The following RASAL1 variants were observed in gnomAD, a reference collection of about 807,000 sequenced individuals.
RASAL1 encodes the protein rasGAP-activating-like protein 1.
Under a neutral mutation model 96.6 loss-of-function variants are expected in RASAL1, and 72 were observed. That is an observed-to-expected ratio of 0.75 (90% CI 0.62 to 0.91). RASAL1 has a LOEUF of 0.91. Among genes scored for constraint, RASAL1 ranks in the 40% least tolerant of loss-of-function variants. The pLI, the probability that RASAL1 is intolerant of heterozygous loss-of-function variation, is 0.00. For synonymous variants in RASAL1, 405 were observed against 430.4 expected, an observed-to-expected ratio of 0.94 and a Z score of 0.73; for missense variants, 1,016 against 1,072.5, an observed-to-expected ratio of 0.95 and a Z score of 0.74.
intron 1 of RASAL1, among the ~76,000 whole-genome samples, chr12:113,132,216 A>C (rs982740858): frequency 6.6e-6 from 1 of 151,466 alleles, no homozygotes; most frequent in African/African-American, 2.4e-5. Context: ...CCAGTAATCC[A>C]CCCGCCTCGG....
rs1951882833 is a variant in RASAL1 at position 113,135,534 on chromosome 12, G to A, written c.-72C>T. On this transcript the variant is annotated 5_prime_UTR_variant, in exon 1 of 21. Coordinates refer to ENST00000548055, the MANE Select transcript of RASAL1 (RefSeq NM_001301202.2). The surrounding 1 kb of genome is among the most constrained non-coding windows in gnomAD (Gnocchi z 5.7). ...AGGCTGGACCAGGGGACGTCTACAT[G>A]TCACCTGCTTCAAGCCTGGCTCCCT... is the stretch of plus-strand genomic sequence containing the variant. The A allele has an allele frequency of 9.8e-6, 13 of 1,323,054 alleles. No homozygotes were observed. The highest frequency in any genetic ancestry group is 1.4e-5 in the Non-Finnish European group (13 of 943,970). 82.0% of individuals were successfully genotyped at this position (1,323,054 alleles called of 1,614,324 possible). A position where few individuals can be genotyped will look rare whatever the true frequency, so the allele number is the denominator to read the frequency against.
chr12:113,129,070 G>A lies in RASAL1; in HGVS notation c.123-892C>T, dbSNP rs1951605398. On this transcript the variant is annotated intron_variant, in intron 2 of 20. Transcript: ENST00000548055. This position sits in a 1 kb window ranked among gnomAD's most constrained non-coding sequence, Gnocchi z 5.0. ...TTCACTTGGACTATGGGCCCAGCCT[G>A]TGCTGGGCTCCAGGGATCAGAGGAA... Among the ~76,000 whole-genome samples the A allele has an allele frequency of 6.6e-6, 1 of 152,218 alleles. No individual in the cohort carries two copies. The highest frequency in any genetic ancestry group is 1.9e-4 in the East Asian group (1 of 5,162).
chr12:113,128,490 AACAC>A (rs149978369), intron 2 of RASAL1, among the ~76,000 whole-genome samples: 20 of 138,616 alleles, frequency 1.4e-4, no homozygotes, highest in African/African-American at 3.5e-4. Context: ...CAGAGATCTC[AACAC>A]ACACACACAC....
chr12:113,108,120 G>C lies in RASAL1; in HGVS notation c.1477C>G (p.Pro493Ala). ...LFDLRDQHAD[P>A]QTSRSLLLLA... Reference sequence around the variant, plus strand: ...AACAGCAGTGAGCGGCTAGTCTGGGGGTCCGCGTGTTGGTCCCGAAGGTCA... The same window carrying C: ...AACAGCAGTGAGCGGCTAGTCTGGGCGTCCGCGTGTTGGTCCCGAAGGTCA... Residue 493 changes from proline (P) to alanine (A), a missense_variant, in exon 14 of 21, where the codon CCC becomes GCC. Pro to Ala is a conservative substitution (Grantham distance 27). Transcript: ENST00000548055. 1 of 1,613,664 alleles carries C rather than the reference G, an allele frequency of 6.2e-7. No homozygotes were observed. The highest frequency in any genetic ancestry group is 8.5e-7 in the Non-Finnish European group (1 of 1,179,840).
intron 4 of RASAL1, among the ~76,000 whole-genome samples, 200 bp downstream of exon 4, chr12:113,127,612 C>T (rs117814532): frequency 0.071 from 10,795 of 152,140 alleles, 400 homozygotes; most frequent in Middle Eastern, 0.092. Context: ...ATAGCACCAC[C>T]GCACTCCAGC....
intron 4 of RASAL1, among the ~76,000 whole-genome samples, chr12:113,124,215 C>A (rs1007773955): frequency 2.1e-4 from 12 of 56,800 alleles, no homozygotes; most frequent in Non-Finnish European, 3.6e-4. Flanking sequence ...GAGACTCTGT[C>A]TCAAAAAAAA....
chr12:113,125,300 C>T (rs35026779), intron 4 of RASAL1, among the ~76,000 whole-genome samples: 23,004 of 151,862 alleles, frequency 0.15, 2,053 homozygotes, highest in African/African-American at 0.26. Flanking sequence ...GAAAAAATTA[C>T]AGGCAAAGTC....
intron 20 of RASAL1, among the ~76,000 whole-genome samples, chr12:113,100,346 T>C (rs1354831879): frequency 6.6e-6 from 1 of 152,150 alleles, no homozygotes; most frequent in African/African-American, 2.4e-5. Flanking sequence ...TTGCCCAGGG[T>C]GCAGTGCAGT....
At chr12:113,105,143 A>C (rs1219615370) in intron 16 of RASAL1, among the ~76,000 whole-genome samples, 1 of 152,202 alleles carries the variant, frequency 6.6e-6, no homozygotes, top group African/African-American at 2.4e-5. Flanking sequence ...GTGTGCACAC[A>C]GCTCCCCATT....
intron 4 of RASAL1, among the ~76,000 whole-genome samples, chr12:113,124,071 A>T (rs993837552): frequency 2.0e-5 from 3 of 152,162 alleles, no homozygotes; most frequent in Non-Finnish European, 4.4e-5. Context: ...ATACAAAAAA[A>T]GTTAGGCATG....
At chr12:113,112,953 A>AT (rs1288557271) in intron 12 of RASAL1, among the ~76,000 whole-genome samples, 13 of 106,642 alleles carry the variant, frequency 1.2e-4, no homozygotes, top group South Asian at 3.1e-4. Flanking sequence ...CTCCATCTCA[A>AT]AAAATAAATA....
chr12:113,101,833 G>A (rs530697013), intron 19 of RASAL1, 56 bp downstream of exon 19: 9 of 1,580,364 alleles, frequency 5.7e-6, no homozygotes, highest in Admixed American at 3.6e-5. Context: ...AGGCCACGGT[G>A]GGGGGCTGGC....
intron 13 of RASAL1, 24 bp from the exon 14 acceptor site, chr12:113,108,246 G>T (rs747896102): frequency 2.5e-6 from 4 of 1,601,188 alleles, no homozygotes; most frequent in Middle Eastern, 1.7e-4. Context: ...CAGAAGGTAA[G>T]AGGAGCCCCC....
At chr12:113,120,385 C>T (rs1339826204) in intron 5 of RASAL1, among the ~76,000 whole-genome samples, 1 of 152,156 alleles carries the variant, frequency 6.6e-6, no homozygotes, top group African/African-American at 2.4e-5. Context: ...CTGTCACCTG[C>T]CTCCCTGGTT....
At chr12:113,136,265 AC>A (rs1458626900), upstream of RASAL1, 1 of 152,122 alleles carries the variant, frequency 6.6e-6, no homozygotes, top group Non-Finnish European at 1.5e-5. Flanking sequence ...CTCTAACGTC[AC>A]GGGCTGGCAC....
intron 1 of RASAL1, among the ~76,000 whole-genome samples, chr12:113,134,849 C>G (rs1951854487): frequency 6.6e-6 from 1 of 152,150 alleles, no homozygotes; most frequent in South Asian, 2.1e-4. Flanking sequence ...CTGGGAGCCA[C>G]AAGACTGGGG....
At chr12:113,132,225 G>A (rs534422141) in intron 1 of RASAL1, among the ~76,000 whole-genome samples, 17 of 152,040 alleles carry the variant, frequency 1.1e-4, no homozygotes, top group East Asian at 9.7e-4. Flanking sequence ...CACCCGCCTC[G>A]GCCTCCCAAA....
chr12:113,133,583 C>T (rs944811424), intron 1 of RASAL1, among the ~76,000 whole-genome samples: 1 of 152,208 alleles, frequency 6.6e-6, no homozygotes, highest in Non-Finnish European at 1.5e-5. Flanking sequence ...AGAATGGACC[C>T]CCCTCAAACC....
Position 113,099,730 on chromosome 12 carries a change from A to T in RASAL1, c.*199T>A. On this transcript the variant is annotated 3_prime_UTR_variant, in exon 21 of 21. Coordinates refer to ENST00000548055, the MANE Select transcript of RASAL1 (RefSeq NM_001301202.2). ...TCAAGCCAGAGGGCAAGTTTCACTC[A>T]GTGCAAGGCTGGCCCCTGCCAAAGG... The T allele has an allele frequency of 1.7e-6, 1 of 591,084 alleles. No homozygotes were observed. The allele number at this position is 591,084 out of a possible 1,614,324, so 36.6% of individuals were successfully genotyped here.
Sources: allele counts gnomAD v4.1 joint callset (sites outside exome capture counted in the v4.1 genomes callset), GRCh38; gene constraint gnomAD v4.1.1; non-coding constraint Gnocchi (gnomAD v3.1); transcripts MANE v1.5; gene names NCBI Gene and HGNC (gene_info 2026-07-23, HGNC 2026-07-21).